The following CALCR variants were observed in gnomAD, a reference collection of about 807,000 sequenced individuals.
CALCR encodes calcitonin receptor.
Under a neutral mutation model 59.5 loss-of-function variants are expected in CALCR, and 47 were observed. The ratio of observed to expected loss-of-function variants is 0.79; its 90% CI spans 0.63 to 1.01. The LOEUF is 1.01. Ranked by LOEUF, CALCR falls within the 50% of genes least tolerant of loss-of-function variation. CALCR has a pLI of 0.00. For synonymous variants in CALCR, 213 were observed against 211.3 expected (o/e 1.01, Z -0.07); for missense variants, 566 against 597.1 (o/e 0.95, Z 0.54).
intron 2 of CALCR, among the ~76,000 whole-genome samples, chr7:93,492,642 A>G (rs1158949917): frequency 6.6e-6 from 1 of 151,472 alleles, no homozygotes; most frequent in Non-Finnish European, 1.5e-5. Context: ...TGGATGAGAT[A>G]TGATTCCAGT....
intron 13 of CALCR, among the ~76,000 whole-genome samples, chr7:93,428,098 T>C (rs1194560491): frequency 6.6e-6 from 1 of 152,138 alleles, no homozygotes; most frequent in Admixed American, 6.5e-5. Context: ...AAACTTTAAG[T>C]GCTAAGGAAT....
At chr7:93,513,815 A>G (rs1801598313) in intron 2 of CALCR, among the ~76,000 whole-genome samples, 1 of 151,414 alleles carries the variant, frequency 6.6e-6, no homozygotes, top group Non-Finnish European at 1.5e-5. Context: ...ATATGTAGAT[A>G]TTTGTTTTTA....
chr7:93,433,197 A>T (rs1799695325), intron 13 of CALCR, among the ~76,000 whole-genome samples: 1 of 152,234 alleles, frequency 6.6e-6, no homozygotes, highest in African/African-American at 2.4e-5. Context: ...ATATTATTTA[A>T]CTTAGTAAAA....
intron 2 of CALCR, among the ~76,000 whole-genome samples, chr7:93,572,470 A>G (rs1790029432): frequency 6.6e-6 from 1 of 152,160 alleles, no homozygotes; most frequent in South Asian, 2.1e-4. Context: ...AAGTTCTCCT[A>G]TTAACCCTAA....
chr7:93,427,551 T>C (rs1228301902), intron 13 of CALCR, among the ~76,000 whole-genome samples: 2 of 152,222 alleles, frequency 1.3e-5, no homozygotes, highest in African/African-American at 2.4e-5. Flanking sequence ...AACTCACATA[T>C]GACAGCTAAA....
At chr7:93,456,125 G>A (rs1800204079) in intron 8 of CALCR, among the ~76,000 whole-genome samples, 1 of 152,158 alleles carries the variant, frequency 6.6e-6, no homozygotes, top group Non-Finnish European at 1.5e-5. Flanking sequence ...TCCTCTGGGT[G>A]AAGTGTATGC....
At position 93,460,578 on chromosome 7, in the gene CALCR, T is replaced by TATATATATATAC. The variant is rs1463433594; in HGVS notation, c.648+242_648+243insGTATATATATAT. Among the ~76,000 whole-genome samples, 332 of 107,394 alleles carry TATATATATATAC rather than the reference T, an allele frequency of 3.1e-3. 1 individual carries two copies. The highest frequency in any genetic ancestry group is 0.016 in the African/African-American group (316 of 19,622). The allele number at this position is 107,394 out of a possible 152,430, so 70.5% of individuals were successfully genotyped here. On this transcript the variant is annotated intron_variant, in intron 8 of 13. Transcript: ENST00000426151. ...CTAAAAAAAAAAAAAAAAAAATATA[T>TATATATATATAC]ATATATATATATATGTATATATATA... is the stretch of plus-strand genomic sequence containing the variant.
At chr7:93,431,102 G>A (rs988863541) in intron 13 of CALCR, among the ~76,000 whole-genome samples, 14 of 152,180 alleles carry the variant, frequency 9.2e-5, no homozygotes, top group Non-Finnish European at 2.9e-5. Context: ...GACAGGAAGG[G>A]GAAGTGGTGA....
intron 13 of CALCR, among the ~76,000 whole-genome samples, chr7:93,429,975 AGGCTGGAGTGCAGT>A (rs139251886): frequency 0.025 from 3,353 of 134,886 alleles, 130 homozygotes; most frequent in African/African-American, 0.09. Flanking sequence ...GCTGTCTCCC[AGGCTGGAGTGCAGT>A]GGCGCAATCT....
intron 11 of CALCR, 116 bp from the exon 12 acceptor site, chr7:93,436,286 T>A (rs1377158948): frequency 1.2e-6 from 1 of 806,200 alleles, no homozygotes; most frequent in Non-Finnish European, 2.0e-6. Flanking sequence ...ACATAGAACA[T>A]GAGAGTCTAC....
intron 2 of CALCR, among the ~76,000 whole-genome samples, chr7:93,525,194 C>T (rs1465975628): frequency 6.6e-6 from 1 of 152,062 alleles, no homozygotes; most frequent in Non-Finnish European, 1.5e-5. Context: ...CTTAAACATT[C>T]CTATCTTCCC....
At chr7:93,449,194 A>G (rs1800061177) in intron 8 of CALCR, among the ~76,000 whole-genome samples, 1 of 152,050 alleles carries the variant, frequency 6.6e-6, no homozygotes, top group Non-Finnish European at 1.5e-5. Context: ...ATAGTTATTT[A>G]CATTTCCCTG....
chr7:93,447,158 A>G (rs1404716437), intron 8 of CALCR, among the ~76,000 whole-genome samples: 1 of 152,004 alleles, frequency 6.6e-6, no homozygotes, highest in Non-Finnish European at 1.5e-5. Context: ...TGGGTACACT[A>G]TTTAATCTAT....
At chr7:93,492,277 G>T (rs1373918507) in intron 2 of CALCR, among the ~76,000 whole-genome samples, 1 of 150,382 alleles carries the variant, frequency 6.6e-6, no homozygotes, top group Non-Finnish European at 1.5e-5. Context: ...AAACTTAGAG[G>T]ACAGGTCAAT....
chr7:93,536,273 A>C (rs1788982290), intron 2 of CALCR, among the ~76,000 whole-genome samples: 1 of 151,782 alleles, frequency 6.6e-6, no homozygotes, highest in Non-Finnish European at 1.5e-5. Context: ...ATGGAAGTGA[A>C]TGGCATACTT....
intron 5 of CALCR, among the ~76,000 whole-genome samples, chr7:93,474,901 A>C (rs1800634538): frequency 6.6e-6 from 1 of 151,816 alleles, no homozygotes; most frequent in African/African-American, 2.4e-5. Flanking sequence ...AGGATGTGGA[A>C]ATCAGAATCA....
At chr7:93,498,468 T>C (rs1801256368) in intron 2 of CALCR, among the ~76,000 whole-genome samples, 1 of 151,732 alleles carries the variant, frequency 6.6e-6, no homozygotes, top group African/African-American at 2.4e-5. Context: ...GAAAAAGGCA[T>C]TGTAACCTCA....
intron 6 of CALCR, among the ~76,000 whole-genome samples, chr7:93,470,817 C>T (rs1406609167): frequency 6.6e-6 from 1 of 151,062 alleles, no homozygotes; most frequent in Non-Finnish European, 1.5e-5. Flanking sequence ...GGTACATGTG[C>T]ACAATGTGCA....
chr7:93,482,129 T>A (rs562413770), intron 3 of CALCR, among the ~76,000 whole-genome samples: 1 of 151,990 alleles, frequency 6.6e-6, no homozygotes, highest in South Asian at 2.1e-4. Flanking sequence ...TTTGCAAAAT[T>A]TTTAAAAAAG....
Sources: gnomAD v4.1 joint callset for allele counts (sites outside exome capture counted in the v4.1 genomes callset) on GRCh38, gnomAD v4.1.1 for gene constraint, MANE v1.5 for transcripts, NCBI Gene and HGNC (gene_info 2026-07-23, HGNC 2026-07-21) for gene names.